PDE11A: variants seen among roughly 807,000 people sequenced by gnomAD.
The protein encoded by PDE11A is phosphodiesterase 11A.
In PDE11A, 100 loss-of-function variants were observed where a neutral mutation model predicts 100.5. The observed-to-expected ratio is 1.00, with a 90% confidence interval of 0.85 to 1.18. The LOEUF (loss-of-function observed/expected upper bound fraction) is 1.18. Ranked by LOEUF, PDE11A falls within the 50% of genes most tolerant of loss-of-function variation. The pLI, the probability that PDE11A is intolerant of heterozygous loss-of-function variation, is 0.00. For missense variants in PDE11A, 1,141 were observed against 1,152.6 expected (o/e 0.99, Z 0.15); for synonymous variants, 381 against 420.8 (o/e 0.91, Z 1.16).
At chr2:177,822,533 C>G (rs187746690) in intron 6 of PDE11A, among the ~76,000 whole-genome samples, 1 of 152,152 alleles carries the variant, frequency 6.6e-6, no homozygotes, top group Non-Finnish European at 1.5e-5. Context: ...TGCAAATCCT[C>G]CAACTTTTTC....
At chr2:177,879,242 C>T (rs1017593906) in intron 4 of PDE11A, among the ~76,000 whole-genome samples, 1 of 152,118 alleles carries the variant, frequency 6.6e-6, no homozygotes, top group Admixed American at 6.5e-5. Context: ...ATTGTATTAT[C>T]CTGACTGGTA....
chr2:178,076,705 G>T (rs1436288462), upstream of PDE11A, among the ~76,000 whole-genome samples: 2 of 152,206 alleles, frequency 1.3e-5, no homozygotes, highest in African/African-American at 4.8e-5. Context: ...GTAAAGGGAG[G>T]CTGAAAACTT....
intron 2 of PDE11A, among the ~76,000 whole-genome samples, chr2:177,919,088 T>A (rs2084997468): frequency 6.7e-6 from 1 of 150,244 alleles, no homozygotes; most frequent in Admixed American, 6.6e-5. Context: ...AATAAAAATA[T>A]TAGAAGATTT....
intron 6 of PDE11A, among the ~76,000 whole-genome samples, chr2:177,822,817 T>C (rs2083161176): frequency 2.0e-5 from 3 of 152,140 alleles, no homozygotes; most frequent in South Asian, 2.1e-4. Flanking sequence ...TTTATTTGTA[T>C]CCTGATGTTT....
intron 7 of PDE11A, among the ~76,000 whole-genome samples, chr2:177,819,930 C>T (rs1046808648): frequency 7.4e-6 from 1 of 134,238 alleles, no homozygotes; most frequent in Non-Finnish European, 1.6e-5. Flanking sequence ...TTTTCACTCT[C>T]TGCCTCTATT....
intron 2 of PDE11A, among the ~76,000 whole-genome samples, chr2:178,086,070 T>TG (rs1559067442): frequency 6.6e-6 from 1 of 152,194 alleles, no homozygotes; most frequent in East Asian, 1.9e-4. Flanking sequence ...CTGGAACCAC[T>TG]GATCACTCAA....
intron 12 of PDE11A, among the ~76,000 whole-genome samples, chr2:177,726,492 A>C (rs1224889420): frequency 2.0e-5 from 3 of 152,126 alleles, no homozygotes; most frequent in Non-Finnish European, 2.9e-5. Flanking sequence ...ACAGATTTGT[A>C]ACTTAAAATA....
intron 1 of PDE11A, among the ~76,000 whole-genome samples, chr2:178,063,994 C>T (rs1438769772): frequency 6.6e-6 from 1 of 152,166 alleles, no homozygotes; most frequent in East Asian, 1.9e-4. Flanking sequence ...TTAATAAGGC[C>T]TTACATTTCT....
At chr2:177,979,190 T>C (rs1422348810) in intron 2 of PDE11A, among the ~76,000 whole-genome samples, 1 of 150,674 alleles carries the variant, frequency 6.6e-6, no homozygotes, top group Non-Finnish European at 1.5e-5. Context: ...CACCATAGCA[T>C]GCATATGTCC....
At position 178,071,404 on chromosome 2, in the gene PDE11A, A is replaced by G. The variant is rs539312981; in HGVS notation, c.912+122T>C. On this transcript the variant is annotated intron_variant, in intron 1 of 19. Coordinates refer to ENST00000286063, the MANE Select transcript of PDE11A (RefSeq NM_016953.4). ...TAACTAGTCTAAACTCGGGAATTTA[A>G]ATAGCAAAATTTGTATTGTAAAGAG... The G allele has an allele frequency of 1.5e-3, 1,906 of 1,250,520 alleles. 45 individuals are homozygous for G. In the South Asian group the frequency reaches 0.024, roughly 16 times the overall value. The allele number at this position is 1,250,520 out of a possible 1,614,324, so 77.5% of individuals were successfully genotyped here.
Position 178,098,165 on chromosome 2 carries a change from A to G in PDE11A, c.162+6137T>C, listed in dbSNP as rs2087518795. 2.0e-5 allele frequency among the ~76,000 whole-genome samples: 3 copies of G among 152,232 alleles called. No individual in the cohort carries two copies. The South Asian group carries it at 6.2e-4, about 31-fold the overall frequency. ...GCATATAAAATCCTGAGCAATTAAA[A>G]TGTCTCCCAATCATTTTACAACCAA... is the stretch of plus-strand genomic sequence containing the variant. On this transcript the variant is annotated intron_variant, in intron 2 of 20. Transcript: ENST00000358450.
Position 178,072,380 on chromosome 2 carries a change from C to G in PDE11A, c.58G>C (p.Glu20Gln), listed in dbSNP as rs762965490. 1 of 1,613,774 alleles carries G rather than the reference C, an allele frequency of 6.2e-7. No homozygotes were observed. Among genetic ancestry groups the G allele is most frequent in the East Asian group, 2.2e-5 (1 of 44,898 alleles). The change falls in exon 1 of 20, where the codon GAG (glutamate) becomes CAG (glutamine). Residue 20 changes from glutamate to glutamine, a missense_variant. Glu to Gln is a conservative substitution (Grantham distance 29, BLOSUM62 2). Coordinates refer to ENST00000286063, the MANE Select transcript of PDE11A (RefSeq NM_016953.4). The stretch of plus-strand genomic sequence containing the variant: ...CGCATCAAGTAATCTTCAAACAACT[C>G]TGGGTGCCTGTCCAGGAAAGTTTCC... ...EVETFLDRHPELFEDYLMRKG... is the reference protein window; with the variant it reads ...EVETFLDRHPQLFEDYLMRKG...
At chr2:178,048,452 A>G (rs1305719022) in intron 1 of PDE11A, among the ~76,000 whole-genome samples, 1 of 152,116 alleles carries the variant, frequency 6.6e-6, no homozygotes, top group Non-Finnish European at 1.5e-5. Context: ...TCTGTTTTCC[A>G]TGAGGAGAGA....
At chr2:177,775,475 G>A (rs1157212882) in intron 9 of PDE11A, among the ~76,000 whole-genome samples, 1 of 152,176 alleles carries the variant, frequency 6.6e-6, no homozygotes, top group African/African-American at 2.4e-5. Context: ...CACTTTTGCT[G>A]TATTTCCTTC....
chr2:177,631,557 A>C (rs374618184), intron 19 of PDE11A, among the ~76,000 whole-genome samples: 2 of 33,210 alleles, frequency 6.0e-5, no homozygotes, highest in Non-Finnish European at 1.1e-4. Flanking sequence ...ACACATGTAT[A>C]TATATATATA....
intron 6 of PDE11A, among the ~76,000 whole-genome samples, chr2:177,825,449 T>A (rs932640670): frequency 1.3e-5 from 2 of 152,308 alleles, no homozygotes; most frequent in African/African-American, 4.8e-5. Context: ...TTTTCCATTT[T>A]AAAATCATTA....
intron 10 of PDE11A, among the ~76,000 whole-genome samples, chr2:177,764,854 C>T (rs934833569): frequency 2.0e-5 from 3 of 152,188 alleles, no homozygotes; most frequent in South Asian, 2.1e-4. Flanking sequence ...ATACTACAAC[C>T]TGAATCAGAC....
rs1295976772 is a variant in PDE11A at position 177,637,995 on chromosome 2, ATAT to A, written c.2647-8436_2647-8434del. On this transcript the variant is annotated intron_variant, in intron 19 of 19. Coordinates refer to ENST00000286063, the MANE Select transcript of PDE11A (RefSeq NM_016953.4). ...TATACACGTGTATATATATATATATATATTTTTTTTTTTTTTTTTTTTGAGATG... is the reference window on the plus strand; with the variant it reads ...TATACACGTGTATATATATATATATATTTTTTTTTTTTTTTTTTTGAGATG... Among the ~76,000 whole-genome samples the A allele has an allele frequency of 9.7e-3, 523 of 54,112 alleles. 22 individuals are homozygous for A. The highest frequency in any genetic ancestry group is 0.029 in the African/African-American group (493 of 16,804). The allele number at this position is 54,112 out of a possible 152,430, so 35.5% of individuals were successfully genotyped here.
At chr2:178,049,204 G>A (rs1429860284) in intron 1 of PDE11A, among the ~76,000 whole-genome samples, 1 of 152,200 alleles carries the variant, frequency 6.6e-6, no homozygotes. Context: ...AGTGGCATAT[G>A]TTAAGAGTTG....
Sources: gnomAD v4.1 joint callset for allele counts (sites outside exome capture counted in the v4.1 genomes callset) on GRCh38, gnomAD v4.1.1 for gene constraint, MANE v1.5 for transcripts, NCBI Gene and HGNC (gene_info 2026-07-23, HGNC 2026-07-21) for gene names.